The following MYO3A variants were observed in gnomAD, a reference collection of about 807,000 sequenced individuals.
The protein encoded by MYO3A is myosin-IIIa.
In MYO3A, 180 loss-of-function variants were observed where a neutral mutation model predicts 192.7. That is an observed-to-expected ratio of 0.93 (90% CI 0.83 to 1.06). The LOEUF is 1.06. Among genes scored for constraint, MYO3A ranks in the 50% least tolerant of loss-of-function variants. The pLI is 0.00. For synonymous variants in MYO3A, 628 were observed against 645.3 expected, an observed-to-expected ratio of 0.97 and a Z score of 0.41; for missense variants, 1,896 against 1,905.0, an observed-to-expected ratio of 1.00 and a Z score of 0.09.
At chr10:26,137,121 T>G (rs1274286696) in intron 20 of MYO3A, among the ~76,000 whole-genome samples, 1 of 152,198 alleles carries the variant, frequency 6.6e-6, no homozygotes, top group African/African-American at 2.4e-5. Flanking sequence ...TTATTGTTGA[T>G]TCTTAAAGAT....
chr10:26,019,102 C>G (rs1270284432), intron 7 of MYO3A, among the ~76,000 whole-genome samples: 1 of 151,986 alleles, frequency 6.6e-6, no homozygotes, highest in Admixed American at 6.6e-5. Flanking sequence ...TTTGCTCCCC[C>G]TCAAAGAAAC....
chr10:25,963,488 A>G (rs892399240), intron 4 of MYO3A, among the ~76,000 whole-genome samples: 1 of 152,318 alleles, frequency 6.6e-6, no homozygotes, highest in East Asian at 1.9e-4. Context: ...GCCCTGGAGG[A>G]TAACATGTAC....
At chr10:26,027,354 GT>G (rs58919414) in intron 10 of MYO3A, among the ~76,000 whole-genome samples, 94,477 of 151,294 alleles carry the variant, frequency 0.62, 30,376 homozygotes, top group Middle Eastern at 0.74. Context: ...ATACTTTTTT[GT>G]TTTTTTTGAG....
At chr10:26,016,500 C>T (rs529329850) in intron 6 of MYO3A, among the ~76,000 whole-genome samples, 2 of 152,042 alleles carry the variant, frequency 1.3e-5, no homozygotes, top group Non-Finnish European at 2.9e-5. Context: ...TATGTAAAAT[C>T]GTTTACAATG....
chr10:26,161,743 T>G (rs1288413866), intron 26 of MYO3A, among the ~76,000 whole-genome samples: 1 of 152,210 alleles, frequency 6.6e-6, no homozygotes, highest in Non-Finnish European at 1.5e-5. Flanking sequence ...CCAGGTGTCA[T>G]CAATACATAT....
chr10:25,952,402 TAAATG>T, intron 3 of MYO3A, 124 bp downstream of exon 3: 1 of 1,144,842 alleles, frequency 8.7e-7, no homozygotes, highest in Non-Finnish European at 1.2e-6. Flanking sequence ...AATTTGAAGA[TAAATG>T]TAAAAGAGAA....
At chr10:26,132,918 A>G (rs57298521) in intron 20 of MYO3A, among the ~76,000 whole-genome samples, 2,656 of 152,274 alleles carry the variant, frequency 0.017, 85 homozygotes, top group African/African-American at 0.058. Flanking sequence ...AGTGTTTGAG[A>G]TTTTAAATGT....
At position 25,994,738 on chromosome 10, in the gene MYO3A, G is replaced by A. The variant is rs533613655; in HGVS notation, c.304-1752G>A. Among the ~76,000 whole-genome samples, 57 of 152,246 alleles carry A rather than the reference G, an allele frequency of 3.7e-4. No individual in the cohort carries two copies. The South Asian group carries it at 4.8e-3, about 13-fold the overall frequency. Reference sequence around the variant, plus strand: ...AAAATCTCTCGGCATTTGCTTGTCCGTAAAGGATTTTATTTCTCCTTCACT... The same window carrying A: ...AAAATCTCTCGGCATTTGCTTGTCCATAAAGGATTTTATTTCTCCTTCACT... On this transcript the variant is annotated intron_variant, in intron 4 of 34. Coordinates refer to ENST00000642920, the MANE Select transcript of MYO3A (RefSeq NM_017433.5).
At chr10:26,058,146 T>C (rs550898385) in intron 10 of MYO3A, among the ~76,000 whole-genome samples, 1 of 152,390 alleles carries the variant, frequency 6.6e-6, no homozygotes, top group African/African-American at 2.4e-5. Flanking sequence ...TATTCATCTC[T>C]CTGTGTCCTC....
chr10:26,032,091 T>A (rs1432741528), intron 10 of MYO3A, among the ~76,000 whole-genome samples: 1 of 152,220 alleles, frequency 6.6e-6, no homozygotes, highest in African/African-American at 2.4e-5. Flanking sequence ...TATTTATAGA[T>A]TGTTATATTT....
rs753146299 is a variant in MYO3A at position 26,153,903 on chromosome 10, TC to T, written c.2690del (p.Ser897Ter). 25 of 1,595,004 alleles carry T rather than the reference TC, an allele frequency of 1.6e-5. No homozygotes were observed. Among genetic ancestry groups the T allele is most frequent in the Non-Finnish European group, 2.0e-5 (23 of 1,163,032 alleles). On this transcript the variant is annotated frameshift_variant, in exon 24 of 35. Coordinates refer to ENST00000642920, the MANE Select transcript of MYO3A (RefSeq NM_017433.5). LOFTEE classifies it high-confidence loss of function. ...TGTTATAAACTATCAAATGAGGACT[TC>T]AGAAAAATTAATCAACCTGGCAAAG... ...KNVINYQMRT[S>X]EKLINLAKGD... is the part of the protein sequence containing the mutation.
chr10:26,114,155 G>T (rs1202676157), intron 17 of MYO3A, among the ~76,000 whole-genome samples: 1 of 152,010 alleles, frequency 6.6e-6, no homozygotes, highest in Non-Finnish European at 1.5e-5. Context: ...TCAACACTAT[G>T]GCCTTCCAAG....
intron 22 of MYO3A, among the ~76,000 whole-genome samples, chr10:26,145,960 C>T (rs142790015): frequency 7.7e-4 from 118 of 152,272 alleles, no homozygotes; most frequent in African/African-American, 2.7e-3. Context: ...TGCCTGAGGA[C>T]CTTTGGTATA....
At chr10:26,068,941 CTTAAA>C (rs1387341543) in intron 12 of MYO3A, 57 bp downstream of exon 12, 13 of 1,146,860 alleles carry the variant, frequency 1.1e-5, no homozygotes, top group Non-Finnish European at 1.7e-5. Flanking sequence ...CATTCAGATA[CTTAAA>C]TTAATTTAAA....
chr10:26,053,193 T>C (rs1017222907), intron 10 of MYO3A, among the ~76,000 whole-genome samples: 1 of 146,786 alleles, frequency 6.8e-6, no homozygotes, highest in Admixed American at 6.8e-5. Context: ...ATTTAATATA[T>C]ATATGTATGT....
At chr10:26,048,096 A>G (rs1843735928) in intron 10 of MYO3A, among the ~76,000 whole-genome samples, 1 of 152,146 alleles carries the variant, frequency 6.6e-6, no homozygotes, top group Non-Finnish European at 1.5e-5. Context: ...GGGGAGAAAT[A>G]TTTTTTAAGG....
chr10:26,016,447 C>A (rs74129532), intron 6 of MYO3A, among the ~76,000 whole-genome samples: 2,750 of 152,204 alleles, frequency 0.018, 92 homozygotes, highest in African/African-American at 0.062. Flanking sequence ...AGGAAGAGGG[C>A]AGGGAGGAAG....
At chr10:25,999,985 T>C (rs868736114) in intron 6 of MYO3A, among the ~76,000 whole-genome samples, 13 of 152,312 alleles carry the variant, frequency 8.5e-5, no homozygotes, top group African/African-American at 3.1e-4. Flanking sequence ...CCTGCAGTTA[T>C]ACTTTACTGA....
At chr10:26,074,654 A>G (rs1396744526) in intron 14 of MYO3A, among the ~76,000 whole-genome samples, 6 of 148,964 alleles carry the variant, frequency 4.0e-5, no homozygotes, top group Non-Finnish European at 8.9e-5. Context: ...AACATGTAAT[A>G]TATCGTTTGC....
Sources: allele counts gnomAD v4.1 joint callset (sites outside exome capture counted in the v4.1 genomes callset), GRCh38; gene constraint gnomAD v4.1.1; transcripts MANE v1.5; gene names NCBI Gene and HGNC (gene_info 2026-07-23, HGNC 2026-07-21).